Variants in TOP3A observed in about 807,000 individuals in gnomAD.
TOP3A encodes the protein DNA topoisomerase III alpha.
A neutral mutation model predicts 111.3 loss-of-function variants in TOP3A; 64 were observed. That is an observed-to-expected ratio of 0.57 (90% CI 0.47 to 0.71). The LOEUF (loss-of-function observed/expected upper bound fraction) is 0.71, where lower values mean the gene tolerates loss of function less well. Among genes scored for constraint, TOP3A ranks in the 30% least tolerant of loss-of-function variants. The probability of loss-of-function intolerance (pLI) is 0.00; values close to 1 mark genes in which losing one functional copy is unlikely to be tolerated. For synonymous variants in TOP3A, 484 were observed against 485.1 expected (o/e 1.00, Z 0.03); for missense variants, 1,104 against 1,285.0 (o/e 0.86, Z 2.15).
chr17:18,287,009 C>G (rs1401760480), intron 13 of TOP3A, among the ~76,000 whole-genome samples: 1 of 152,116 alleles, frequency 6.6e-6, no homozygotes, highest in Non-Finnish European at 1.5e-5. Context: ...GTCTCGAACT[C>G]CTGACCTCAA....
chr17:18,284,281 G>A (rs1192952882), intron 15 of TOP3A, among the ~76,000 whole-genome samples: 2 of 151,924 alleles, frequency 1.3e-5, no homozygotes, highest in African/African-American at 2.4e-5. Flanking sequence ...CAAAGTGCTG[G>A]GATTACAGGC....
intron 13 of TOP3A, 38 bp from the exon 14 acceptor site, chr17:18,285,558 A>T: frequency 6.3e-7 from 1 of 1,588,662 alleles, no homozygotes. Flanking sequence ...GGTAATACAG[A>T]CAACAGCTCC....
chr17:18,288,077 A>G (rs1023131140), intron 13 of TOP3A, among the ~76,000 whole-genome samples: 4 of 150,992 alleles, frequency 2.6e-5, no homozygotes, highest in African/African-American at 9.7e-5. Flanking sequence ...AAAAATGTAC[A>G]TTATACATTT....
At position 18,306,849 on chromosome 17, in the gene TOP3A, TGTGGTTTGACTCA is replaced by T. The variant is rs779190308; in HGVS notation, c.390+29_390+41del. ...ACAAAGAAATCACTCTGTTTGACTCTGTGGTTTGACTCAGTGCCATATGTCTTCCAAAAGACCC... is the reference window on the plus strand; with the variant it reads ...ACAAAGAAATCACTCTGTTTGACTCTGTGCCATATGTCTTCCAAAAGACCC... On this transcript the variant is annotated intron_variant, in intron 4 of 18. Coordinates refer to ENST00000321105, the MANE Select transcript of TOP3A (RefSeq NM_004618.5). 3 of 1,289,666 alleles carry T rather than the reference TGTGGTTTGACTCA, an allele frequency of 2.3e-6. No individual in the cohort carries two copies. The South Asian group carries it at 3.6e-5, about 16-fold the overall frequency. 79.9% of individuals were successfully genotyped at this position (1,289,666 alleles called of 1,614,324 possible).
intron 15 of TOP3A, 131 bp from the exon 16 acceptor site, chr17:18,282,972 A>G (rs1979859679): frequency 3.4e-6 from 4 of 1,186,538 alleles, no homozygotes; most frequent in Non-Finnish European, 4.8e-6. Flanking sequence ...CCTCCTGCAG[A>G]GAACAGACGG....
chr17:18,271,710 C>A lies in TOP3A; in HGVS notation c.*3092G>T. 2.5e-6 allele frequency: 1 copy of A among 399,732 alleles called. No individual in the cohort carries two copies. The allele number at this position is 399,732 out of a possible 1,614,324, so 24.8% of individuals were successfully genotyped here. ...TGAAAACCACAAAGGCATCTGATAT[C>A]CAGAAACTATTAAGAACTCCTACAA... On this transcript the variant is annotated 3_prime_UTR_variant, in exon 19 of 19. Transcript: ENST00000321105.
chr17:18,296,585 C>A (rs947461829), intron 9 of TOP3A, among the ~76,000 whole-genome samples: 2 of 151,688 alleles, frequency 1.3e-5, no homozygotes, highest in Non-Finnish European at 3.0e-5. Context: ...TCTCAAAAAA[C>A]AAACAAACAA....
chr17:18,280,370 C>G (rs558962896), intron 17 of TOP3A, 166 bp downstream of exon 17: 6 of 718,508 alleles, frequency 8.4e-6, no homozygotes, highest in South Asian at 5.9e-5. Flanking sequence ...GCATGGAACA[C>G]AACAGAACTG....
chr17:18,291,566 C>T (rs1055325172), intron 11 of TOP3A, among the ~76,000 whole-genome samples: 1 of 152,172 alleles, frequency 6.6e-6, no homozygotes, highest in African/African-American at 2.4e-5. Flanking sequence ...TTTATGTCTA[C>T]AAATGTTAAC....
Position 18,302,739 on chromosome 17 carries a change from T to G in TOP3A, c.500-16A>C, listed in dbSNP as rs553947490. ...TTGGGCTTTACTGCAGAACACAAGGTGTTACCAAGGTCAAAGTCAAATCAC... is the reference window on the plus strand; with the variant it reads ...TTGGGCTTTACTGCAGAACACAAGGGGTTACCAAGGTCAAAGTCAAATCAC... On this transcript the variant is annotated splice_polypyrimidine_tract_variant and intron_variant, in intron 5 of 18. Transcript: ENST00000321105. 1 of 1,603,702 alleles carries G rather than the reference T, an allele frequency of 6.2e-7. No individual in the cohort carries two copies. The highest frequency in any genetic ancestry group is 1.3e-5 in the African/African-American group (1 of 74,690).
chr17:18,302,427 G>C lies in TOP3A; in HGVS notation c.651C>G (p.Ala217=). The C allele has an allele frequency of 6.3e-6, 10 of 1,599,470 alleles. No homozygotes were observed. Among genetic ancestry groups the C allele is most frequent in the Non-Finnish European group, 8.5e-6 (10 of 1,173,930 alleles). ...RQELDLRIGA[A]FTRFQTLRLQ... ...GCCGCAGGGTCTGGAACCTAGTAAA[G>C]GCAGCTCCTGGAGAGTGAAGGAGAG... is the stretch of plus-strand genomic sequence containing the variant. Residue 217 remains alanine, a synonymous_variant, in exon 7 of 19, where the codon GCC becomes GCG. Coordinates refer to ENST00000321105, the MANE Select transcript of TOP3A (RefSeq NM_004618.5).
At chr17:18,285,837 C>A (rs1255847791) in intron 13 of TOP3A, among the ~76,000 whole-genome samples, 2 of 152,184 alleles carry the variant, frequency 1.3e-5, no homozygotes, top group African/African-American at 4.8e-5. Context: ...TCTACCCTAA[C>A]CATTCTTTAA....
chr17:18,284,386 A>G (rs1979961961), intron 15 of TOP3A, among the ~76,000 whole-genome samples: 2 of 152,032 alleles, frequency 1.3e-5, no homozygotes, highest in African/African-American at 4.8e-5. Flanking sequence ...TGATCAACTC[A>G]ACCTCCAGCC....
chr17:18,278,548 T>C (rs1454771645), intron 17 of TOP3A, among the ~76,000 whole-genome samples, 191 bp from the exon 18 acceptor site: 18 of 152,132 alleles, frequency 1.2e-4, no homozygotes, highest in Admixed American at 1.2e-3. Flanking sequence ...GAGTGGACAG[T>C]GGGAAACAGT....
chr17:18,302,437 G>A lies in TOP3A; in HGVS notation c.644-3C>T, dbSNP rs1981292139. On this transcript the variant is annotated splice_region_variant and splice_polypyrimidine_tract_variant and intron_variant, in intron 6 of 18. Transcript: ENST00000321105. ...CTGGAACCTAGTAAAGGCAGCTCCT[G>A]GAGAGTGAAGGAGAGTGAAGGAAGG... 1.3e-6 allele frequency: 1 copy of A among 788,038 alleles called. No homozygotes were observed. Among genetic ancestry groups the A allele is most frequent in the East Asian group, 2.6e-5 (1 of 37,772 alleles). 48.8% of individuals were successfully genotyped at this position (788,038 alleles called of 1,614,324 possible). A position where few individuals can be genotyped will look rare whatever the true frequency, so the allele number is the denominator to read the frequency against.
At chr17:18,307,321 G>A (rs1304068709) in intron 3 of TOP3A, among the ~76,000 whole-genome samples, 3 of 152,214 alleles carry the variant, frequency 2.0e-5, no homozygotes, top group Non-Finnish European at 4.4e-5. Context: ...AATTACTGCT[G>A]GGCGTGGTAG....
rs1567733557 is a variant in TOP3A, at chr17:18,277,934, T to C, written c.2568A>G (p.Ala856=). 4 of 1,613,962 alleles carry C rather than the reference T, an allele frequency of 2.5e-6. No homozygotes were observed. Among genetic ancestry groups the C allele is most frequent in the Non-Finnish European group, 3.4e-6 (4 of 1,180,036 alleles). ...TATATGCCAAGGCAGGAGGCCCTCC[T>C]GCTCCCGGATTGGGGCTGTCTGCCC... ...FLWADSPNPG[A]GGPPALAYRP... The change falls in exon 18 of 19, where the codon GCA becomes GCG. Residue 856 remains alanine (A), a synonymous_variant. Coordinates refer to ENST00000321105, the MANE Select transcript of TOP3A (RefSeq NM_004618.5).
chr17:18,295,770 A>ATT (rs767499816), intron 9 of TOP3A, among the ~76,000 whole-genome samples: 2 of 125,188 alleles, frequency 1.6e-5, no homozygotes, highest in Admixed American at 8.3e-5. Context: ...AGAAATCTAC[A>ATT]TTTTTTTTTT....
rs746794003 is a variant in TOP3A at position 18,274,753 on chromosome 17, A to G, written c.*49T>C. The G allele has an allele frequency of 6.4e-7, 1 of 1,571,902 alleles. No individual in the cohort carries two copies. Among genetic ancestry groups the G allele is most frequent in the East Asian group, 2.3e-5 (1 of 44,292 alleles). ...GGTCCTGGTTAACTCATTTCTAAAC[A>G]CAAAGGGGACAGGTCTGAGAAAGTG... On this transcript the variant is annotated 3_prime_UTR_variant, in exon 19 of 19. Coordinates refer to ENST00000321105, the MANE Select transcript of TOP3A (RefSeq NM_004618.5).
Sources: allele counts gnomAD v4.1 joint callset (sites outside exome capture counted in the v4.1 genomes callset), GRCh38; gene constraint gnomAD v4.1.1; transcripts MANE v1.5; gene names NCBI Gene and HGNC (gene_info 2026-07-23, HGNC 2026-07-21).